KIF6: variants seen among roughly 807,000 people sequenced by gnomAD.
KIF6 encodes the protein kinesin-like protein KIF6.
In KIF6, 106 loss-of-function variants were observed where a neutral mutation model predicts 112.7. The observed-to-expected ratio is 0.94, with a 90% CI of 0.80 to 1.11. The LOEUF (loss-of-function observed/expected upper bound fraction) is 1.11. Ranked by LOEUF, KIF6 falls within the 50% of genes least tolerant of loss-of-function variation. The pLI is 0.00. For missense variants in KIF6, 929 were observed against 964.0 expected (o/e 0.96, Z 0.48); for synonymous variants, 339 against 339.9 (o/e 1.00, Z 0.03).
rs558623290 is a variant in KIF6 at position 39,540,076 on chromosome 6, T to C, written c.1572A>G (p.Leu524=). ...GNPEEGQRMR[L]SSAPSQAQDF... is the part of the protein sequence containing the mutation. Reference sequence around the variant, plus strand: ...CCTGGGCCTGTGAGGGAGCTGAGGATAGTCGCATTCTTTGACCTTCTTCTG... The same window carrying C: ...CCTGGGCCTGTGAGGGAGCTGAGGACAGTCGCATTCTTTGACCTTCTTCTG... The change falls in exon 13 of 23, where the codon CTA becomes CTG. Residue 524 remains leucine (L), a synonymous_variant. Coordinates refer to ENST00000287152, the MANE Select transcript of KIF6 (RefSeq NM_145027.6). 3 of 1,614,178 alleles carry C rather than the reference T, an allele frequency of 1.9e-6. No individual in the cohort carries two copies. Among genetic ancestry groups the C allele is most frequent in the South Asian group, 1.1e-5 (1 of 91,068 alleles).
chr6:39,481,462 A>G (rs1356123279), intron 13 of KIF6, among the ~76,000 whole-genome samples: 4 of 152,222 alleles, frequency 2.6e-5, no homozygotes, highest in Admixed American at 6.5e-5. Flanking sequence ...CTTATTTTCT[A>G]ATTAAATTTA....
chr6:39,342,594 G>A lies in KIF6; in HGVS notation c.2428+1115C>T, dbSNP rs1242498198. On this transcript the variant is annotated intron_variant, in intron 22 of 22. Coordinates refer to ENST00000287152, the MANE Select transcript of KIF6 (RefSeq NM_145027.6). The surrounding 1 kb of genome is among the most constrained non-coding windows in gnomAD (Gnocchi z 4.7). ...GGGGACTTGGAGATCACTGAATCCA[G>A]TTTTTTATTTTTTTTTATTTTTTTT... 3.2e-5 allele frequency among the ~76,000 whole-genome samples: 4 copies of A among 124,310 alleles called. No homozygotes were observed. The highest frequency in any genetic ancestry group is 1.8e-4 in the African/African-American group (4 of 22,826). The allele number at this position is 124,310 out of a possible 152,430, so 81.6% of individuals were successfully genotyped here. A position where few individuals can be genotyped will look rare whatever the true frequency, so the allele number is the denominator to read the frequency against.
At chr6:39,513,439 G>A (rs1465835806) in intron 13 of KIF6, among the ~76,000 whole-genome samples, 1 of 152,162 alleles carries the variant, frequency 6.6e-6, no homozygotes, top group East Asian at 1.9e-4. Context: ...TAAGCATCAG[G>A]GCCCCTTACT....
At chr6:39,599,538 C>T (rs746506005) in intron 6 of KIF6, among the ~76,000 whole-genome samples, 1 of 152,086 alleles carries the variant, frequency 6.6e-6, no homozygotes, top group African/African-American at 2.4e-5. Flanking sequence ...ATAACTATGC[C>T]CAAACCTGGC....
chr6:39,544,573 G>A lies in KIF6; in HGVS notation c.1408C>T (p.Gln470Ter), dbSNP rs1778967322. The A allele has an allele frequency of 6.2e-7, 1 of 1,612,208 alleles. No homozygotes were observed. The highest frequency in any genetic ancestry group is 1.3e-5 in the African/African-American group (1 of 74,886). Reference protein sequence around the residue: ...EYRKLRDILKQRDNEINILVN... With the variant: ...EYRKLRDILK ...AGGATACTGATTTCGTTATCTCTCTGTTTCAGAATATCTCGTAGCTTTCTA... is the reference window on the plus strand; with the variant it reads ...AGGATACTGATTTCGTTATCTCTCTATTTCAGAATATCTCGTAGCTTTCTA... Residue 470 changes from glutamine (Q) to a stop codon, truncating the protein, a stop_gained, in exon 12 of 23, where the codon CAG becomes TAG. Transcript: ENST00000287152. LOFTEE classifies it high-confidence loss of function.
chr6:39,400,368 A>G (rs1246434612), intron 15 of KIF6, among the ~76,000 whole-genome samples: 2 of 152,222 alleles, frequency 1.3e-5, no homozygotes, highest in Non-Finnish European at 2.9e-5. Flanking sequence ...CTAACTCACA[A>G]ACTGCTGAAG....
At chr6:39,528,302 T>A (rs1391469851) in intron 13 of KIF6, among the ~76,000 whole-genome samples, 5 of 152,256 alleles carry the variant, frequency 3.3e-5, no homozygotes, top group Non-Finnish European at 7.3e-5. Flanking sequence ...TCTTTCCTTT[T>A]AAAGGTTGAA....
intron 10 of KIF6, among the ~76,000 whole-genome samples, chr6:39,558,625 C>A (rs143588586): frequency 1.3e-5 from 2 of 152,276 alleles, no homozygotes; most frequent in South Asian, 2.1e-4. Flanking sequence ...AACATTAACA[C>A]TGAGAAAGCA....
intron 13 of KIF6, among the ~76,000 whole-genome samples, chr6:39,503,859 A>T (rs1776278545): frequency 6.9e-6 from 1 of 144,086 alleles, no homozygotes; most frequent in Admixed American, 6.8e-5. Flanking sequence ...GAAAAAAAAA[A>T]AAAAAGAAAA....
chr6:39,582,392 T>G (rs917499952), intron 9 of KIF6, among the ~76,000 whole-genome samples: 1 of 151,936 alleles, frequency 6.6e-6, no homozygotes, highest in Non-Finnish European at 1.5e-5. Context: ...CAATACTTTT[T>G]TTGTTTTGTT....
At chr6:39,608,762 C>G (rs1195899101) in intron 6 of KIF6, among the ~76,000 whole-genome samples, 12 of 152,166 alleles carry the variant, frequency 7.9e-5, no homozygotes, top group Admixed American at 2.0e-4. Context: ...CACTAATAGG[C>G]ACAGTGTACC....
At chr6:39,557,388 T>C (rs1369179905) in intron 10 of KIF6, among the ~76,000 whole-genome samples, 1 of 152,084 alleles carries the variant, frequency 6.6e-6, no homozygotes, top group African/African-American at 2.4e-5. Flanking sequence ...TAAAATCTGA[T>C]AAAGAGTATT....
intron 19 of KIF6, among the ~76,000 whole-genome samples, chr6:39,348,849 C>T (rs913607551): frequency 2.6e-5 from 4 of 152,214 alleles, no homozygotes; most frequent in African/African-American, 4.8e-5. Flanking sequence ...CAGGAGCAGC[C>T]GCTCTGGAGC....
chr6:39,564,485 G>A (rs1318321634), intron 10 of KIF6, among the ~76,000 whole-genome samples: 2 of 152,152 alleles, frequency 1.3e-5, no homozygotes, highest in Non-Finnish European at 2.9e-5. Flanking sequence ...TAGGCAATCA[G>A]GGCAGGCTGA....
At chr6:39,551,026 CTGTTG>C (rs765742233) in intron 10 of KIF6, among the ~76,000 whole-genome samples, 86 of 152,298 alleles carry the variant, frequency 5.6e-4, no homozygotes, top group Non-Finnish European at 3.5e-4. Context: ...CATATCTTGG[CTGTTG>C]TGAATAGTGC....
chr6:39,452,109 CT>C (rs1210523151), intron 13 of KIF6, among the ~76,000 whole-genome samples: 1 of 152,158 alleles, frequency 6.6e-6, no homozygotes, highest in Non-Finnish European at 1.5e-5. Context: ...TTTTGCTGCT[CT>C]TGGTTTACAA....
chr6:39,460,883 C>T (rs1186155695), intron 13 of KIF6, among the ~76,000 whole-genome samples: 2 of 152,152 alleles, frequency 1.3e-5, no homozygotes, highest in African/African-American at 4.8e-5. Flanking sequence ...TGTAATACTG[C>T]TTCCTTGGCT....
intron 12 of KIF6, among the ~76,000 whole-genome samples, chr6:39,543,158 G>A (rs1275170311): frequency 6.6e-6 from 1 of 152,144 alleles, no homozygotes; most frequent in Non-Finnish European, 1.5e-5. Flanking sequence ...ACATTCATAA[G>A]CCCAGAAGGG....
At position 39,446,937 on chromosome 6, in the gene KIF6, T is replaced by C. The variant is rs545887609; in HGVS notation, c.1646-15776A>G. ...AAAAGTCTCTGACAGAATGAATGAG[T>C]AAATGTGGAATATACTATAAAAAGT... is the stretch of plus-strand genomic sequence containing the variant. On this transcript the variant is annotated intron_variant, in intron 13 of 22. Coordinates refer to ENST00000287152, the MANE Select transcript of KIF6 (RefSeq NM_145027.6). 1.3e-3 allele frequency among the ~76,000 whole-genome samples: 192 copies of C among 152,192 alleles called. 1 individual carries two copies. The highest frequency in any genetic ancestry group is 4.4e-3 in the African/African-American group (182 of 41,518).
Sources: gnomAD v4.1 joint callset for allele counts (sites outside exome capture counted in the v4.1 genomes callset) on GRCh38, gnomAD v4.1.1 for gene constraint, Gnocchi (gnomAD v3.1) non-coding constraint, MANE v1.5 for transcripts, NCBI Gene and HGNC (gene_info 2026-07-23, HGNC 2026-07-21) for gene names.